Variants in WDR70 observed in about 807,000 individuals in gnomAD.
WDR70 encodes WD repeat-containing protein 70.
Under a neutral mutation model 88.6 loss-of-function variants are expected in WDR70, and 53 were observed. The observed-to-expected ratio is 0.60, with a 90% confidence interval of 0.48 to 0.75. The LOEUF (loss-of-function observed/expected upper bound fraction) is 0.75. WDR70 is among the 30% of genes least tolerant of loss of function. The probability of loss-of-function intolerance (pLI) is 0.00; values close to 1 mark genes in which losing one functional copy is unlikely to be tolerated. For synonymous variants in WDR70, 280 were observed against 270.0 expected (o/e 1.04, Z -0.36); for missense variants, 610 against 823.2 (o/e 0.74, Z 3.17).
intron 10 of WDR70, among the ~76,000 whole-genome samples, chr5:37,626,886 A>G (rs1561928310): frequency 1.3e-5 from 2 of 151,706 alleles, no homozygotes; most frequent in African/African-American, 2.4e-5. Flanking sequence ...TTTCCTTTAA[A>G]TTTTCAAATT....
intron 10 of WDR70, among the ~76,000 whole-genome samples, chr5:37,613,300 G>A (rs1217752507): frequency 6.6e-6 from 1 of 152,098 alleles, no homozygotes; most frequent in Admixed American, 6.5e-5. Context: ...CCTCACTAAA[G>A]TGACAGGAAA....
chr5:37,557,938 G>GAAAACTCTTCAAAAGAGTACTCTTTTGAA (rs1742346482), intron 9 of WDR70, among the ~76,000 whole-genome samples: 1 of 151,236 alleles, frequency 6.6e-6, no homozygotes, highest in Non-Finnish European at 1.5e-5. Context: ...GTACTCTTTT[G>GAAAACTCTTCAAAAGAGTACTCTTTTGAA]AATACTCTTC....
chr5:37,566,986 G>A (rs1211525915), intron 9 of WDR70, among the ~76,000 whole-genome samples: 1 of 152,208 alleles, frequency 6.6e-6, no homozygotes, highest in Admixed American at 6.5e-5. Context: ...ATTTTGGGAA[G>A]TGAAGTCAGA....
chr5:37,665,462 C>A (rs1252582964), intron 10 of WDR70, among the ~76,000 whole-genome samples: 2 of 152,194 alleles, frequency 1.3e-5, no homozygotes. Context: ...CTTGTCCAAG[C>A]ATCTGCTGCA....
intron 17 of WDR70, among the ~76,000 whole-genome samples, chr5:37,742,715 T>A (rs1292730815): frequency 3.3e-5 from 5 of 152,258 alleles, no homozygotes; most frequent in Non-Finnish European, 7.3e-5. Context: ...TGGTTAGGTC[T>A]TTGATCCATT....
intron 10 of WDR70, among the ~76,000 whole-genome samples, chr5:37,694,508 C>T (rs996671634): frequency 1.2e-4 from 19 of 152,174 alleles, no homozygotes; most frequent in African/African-American, 4.1e-4. Context: ...CCATGGAATA[C>T]TATGCAGCCA....
intron 10 of WDR70, among the ~76,000 whole-genome samples, chr5:37,623,091 A>G (rs1441796537): frequency 6.6e-6 from 1 of 152,166 alleles, no homozygotes; most frequent in Non-Finnish European, 1.5e-5. Flanking sequence ...GGTATTAAAG[A>G]CCAATCAATG....
At chr5:37,545,920 A>G (rs1203052742) in intron 9 of WDR70, among the ~76,000 whole-genome samples, 1 of 152,230 alleles carries the variant, frequency 6.6e-6, no homozygotes, top group Non-Finnish European at 1.5e-5. Context: ...TACTGGTGAC[A>G]TAATTAAGCT....
chr5:37,411,597 G>A (rs1205997048), intron 5 of WDR70, among the ~76,000 whole-genome samples: 3 of 152,060 alleles, frequency 2.0e-5, no homozygotes, highest in Non-Finnish European at 4.4e-5. Context: ...GTGTTGGCAC[G>A]CACCTGTAAT....
intron 9 of WDR70, among the ~76,000 whole-genome samples, chr5:37,588,378 C>T (rs1471421877): frequency 5.9e-5 from 9 of 151,870 alleles, no homozygotes; most frequent in Admixed American, 4.6e-4. Flanking sequence ...TCTTAGAACA[C>T]GGTACTATAT....
chr5:37,433,850 T>A (rs1750389003), intron 5 of WDR70, among the ~76,000 whole-genome samples: 1 of 152,250 alleles, frequency 6.6e-6, no homozygotes, highest in Non-Finnish European at 1.5e-5. Context: ...ACCTGTCTTA[T>A]TTTGCTTTTC....
At chr5:37,564,507 G>C (rs1742673527) in intron 9 of WDR70, among the ~76,000 whole-genome samples, 1 of 151,426 alleles carries the variant, frequency 6.6e-6, no homozygotes, top group Non-Finnish European at 1.5e-5. Context: ...GGCATCAGGG[G>C]GAGACCGTGG....
chr5:37,495,478 G>A (rs924451316), intron 8 of WDR70, among the ~76,000 whole-genome samples: 1 of 151,776 alleles, frequency 6.6e-6, no homozygotes, highest in African/African-American at 2.4e-5. Flanking sequence ...CTCTCTCTCT[G>A]TGTGTGTGCG....
intron 13 of WDR70, among the ~76,000 whole-genome samples, chr5:37,714,686 G>T (rs1050707907): frequency 6.6e-6 from 1 of 152,112 alleles, no homozygotes; most frequent in Non-Finnish European, 1.5e-5. Context: ...CTTGCAGGAC[G>T]ACCACCCACC....
At chr5:37,616,921 A>T (rs948892620) in intron 10 of WDR70, among the ~76,000 whole-genome samples, 1 of 152,112 alleles carries the variant, frequency 6.6e-6, no homozygotes, top group Non-Finnish European at 1.5e-5. Context: ...CTATCAAATA[A>T]TTGTGTTTTA....
At chr5:37,416,143 G>T (rs1321400012) in intron 5 of WDR70, among the ~76,000 whole-genome samples, 1 of 152,220 alleles carries the variant, frequency 6.6e-6, no homozygotes, top group East Asian at 1.9e-4. Context: ...TTGGCACTTT[G>T]GGAGGCCAAG....
chr5:37,533,687 T>A lies in WDR70; in HGVS notation c.917+17097T>A, dbSNP rs576535561. Among the ~76,000 whole-genome samples, 3 of 152,266 alleles carry A rather than the reference T, an allele frequency of 2.0e-5. 1 individual carries two copies. The South Asian group carries it at 6.2e-4, about 32-fold the overall frequency. ...TGGGCATGGGGCTCGCTTTGGCTGC[T>A]GTGGGGGATGGGGGTGTGGTTCCTA... On this transcript the variant is annotated intron_variant, in intron 9 of 17. Coordinates refer to ENST00000265107, the MANE Select transcript of WDR70 (RefSeq NM_018034.4).
intron 10 of WDR70, among the ~76,000 whole-genome samples, chr5:37,651,358 C>G (rs1387676833): frequency 1.3e-5 from 2 of 152,328 alleles, no homozygotes; most frequent in East Asian, 3.9e-4. Flanking sequence ...TTTATCCAAT[C>G]TATCATTGAT....
chr5:37,719,478 G>A (rs1234103636), intron 13 of WDR70, among the ~76,000 whole-genome samples: 2 of 151,658 alleles, frequency 1.3e-5, no homozygotes, highest in Non-Finnish European at 2.9e-5. Context: ...TGGGTAGCAG[G>A]CACCATAGAT....
Sources: gnomAD v4.1 joint callset for allele counts (sites outside exome capture counted in the v4.1 genomes callset) on GRCh38, gnomAD v4.1.1 for gene constraint, MANE v1.5 for transcripts, NCBI Gene and HGNC (gene_info 2026-07-23, HGNC 2026-07-21) for gene names.